EDIL3: variants seen among roughly 807,000 people sequenced by gnomAD.
EDIL3 encodes EGF like and discoidin domains 3, also known as EGF-like repeat and discoidin I-like domain-containing protein 3.
A neutral mutation model predicts 67.4 loss-of-function variants in EDIL3; 37 were observed. The ratio of observed to expected loss-of-function variants is 0.55; its 90% CI spans 0.42 to 0.72. The LOEUF (loss-of-function observed/expected upper bound fraction) is 0.72, where lower values mean the gene tolerates loss of function less well. Among genes scored for constraint, EDIL3 ranks in the 30% least tolerant of loss-of-function variants. The pLI, the probability that EDIL3 is intolerant of heterozygous loss-of-function variation, is 0.00. For synonymous variants in EDIL3, 195 were observed against 196.3 expected (o/e 0.99, Z 0.05); for missense variants, 527 against 586.3 (o/e 0.90, Z 1.04).
intron 1 of EDIL3, among the ~76,000 whole-genome samples, chr5:84,352,060 G>A (rs887009872): frequency 6.6e-5 from 10 of 151,960 alleles, no homozygotes; most frequent in East Asian, 1.9e-4. Context: ...AATCAACAGA[G>A]AAATGCAAAT....
chr5:84,141,996 T>TATCTATCTATCTATCA (rs1561443904), intron 4 of EDIL3, among the ~76,000 whole-genome samples: 2 of 148,802 alleles, frequency 1.3e-5, no homozygotes, highest in Non-Finnish European at 1.5e-5. Flanking sequence ...TCTATCTATC[T>TATCTATCTATCTATCA]ATCATATTGA....
At chr5:84,066,706 T>A in intron 6 of EDIL3, 100 bp from the exon 7 acceptor site, 1 of 1,393,454 alleles carries the variant, frequency 7.2e-7, no homozygotes, top group Non-Finnish European at 9.7e-7. Context: ...TGCAGATTAA[T>A]AATAACATAA....
chr5:84,371,825 C>T (rs1029030709), intron 1 of EDIL3, among the ~76,000 whole-genome samples: 3 of 151,748 alleles, frequency 2.0e-5, no homozygotes, highest in Admixed American at 6.6e-5. Context: ...AAATGTGTGG[C>T]CTGACAGAAA....
intron 6 of EDIL3, among the ~76,000 whole-genome samples, chr5:84,079,486 G>A (rs1250225760): frequency 6.6e-6 from 1 of 152,116 alleles, no homozygotes; most frequent in African/African-American, 2.4e-5. Context: ...ATAACTGGTT[G>A]TTGGTGGGGA....
intron 4 of EDIL3, among the ~76,000 whole-genome samples, chr5:84,148,944 C>T (rs1171887720): frequency 6.7e-6 from 1 of 148,898 alleles, no homozygotes; most frequent in Non-Finnish European, 1.5e-5. Context: ...CAGGCAGACC[C>T]TCTTGTTTTA....
intron 2 of EDIL3, among the ~76,000 whole-genome samples, chr5:84,247,801 G>A (rs1166434797): frequency 2.6e-5 from 4 of 151,924 alleles, no homozygotes; most frequent in Admixed American, 1.3e-4. Context: ...ATTTGGAAAT[G>A]AGAAGCCTGG....
intron 9 of EDIL3, among the ~76,000 whole-genome samples, chr5:83,969,684 T>C (rs906396600): frequency 4.6e-5 from 7 of 151,874 alleles, no homozygotes; most frequent in East Asian, 3.9e-4. Flanking sequence ...AAAATTACAC[T>C]CTTCCATCTG....
intron 9 of EDIL3, among the ~76,000 whole-genome samples, chr5:83,971,586 C>G (rs1180007337): frequency 6.6e-6 from 1 of 151,912 alleles, no homozygotes. Context: ...TAGAATATTT[C>G]CCACTTAAAA....
chr5:84,352,658 A>C (rs1315888779), intron 1 of EDIL3, among the ~76,000 whole-genome samples: 1 of 152,048 alleles, frequency 6.6e-6, no homozygotes, highest in Non-Finnish European at 1.5e-5. Flanking sequence ...GTAGAAGGAG[A>C]GTGATAGAAG....
At chr5:84,120,826 C>A (rs552097737) in intron 5 of EDIL3, among the ~76,000 whole-genome samples, 1 of 151,908 alleles carries the variant, frequency 6.6e-6, no homozygotes, top group South Asian at 2.1e-4. Flanking sequence ...GGTTTGACTG[C>A]ACACTCTGAA....
At chr5:84,242,011 G>C (rs1026443968) in intron 2 of EDIL3, among the ~76,000 whole-genome samples, 1 of 147,980 alleles carries the variant, frequency 6.8e-6, no homozygotes, top group African/African-American at 2.5e-5. Flanking sequence ...ACGAAGTCAG[G>C]AGATCGAGAC....
intron 1 of EDIL3, among the ~76,000 whole-genome samples, chr5:84,301,060 G>A (rs748877361): frequency 8.6e-5 from 13 of 152,022 alleles, no homozygotes; most frequent in Admixed American, 3.3e-4. Flanking sequence ...ACCTGAGGTC[G>A]AGAGTTCAAG....
intron 2 of EDIL3, among the ~76,000 whole-genome samples, chr5:84,230,904 T>C (rs1231087239): frequency 6.6e-6 from 1 of 152,072 alleles, no homozygotes; most frequent in East Asian, 1.9e-4. Flanking sequence ...CAGGTGGTTC[T>C]GACTTATGTT....
At chr5:84,249,423 CTAT>C (rs1744979096) in intron 2 of EDIL3, among the ~76,000 whole-genome samples, 1 of 147,024 alleles carries the variant, frequency 6.8e-6, no homozygotes, top group African/African-American at 2.5e-5. Flanking sequence ...ATCTATCTAT[CTAT>C]CTATCATCTA....
At position 84,162,877 on chromosome 5, in the gene EDIL3, T is replaced by C. The variant is rs554618866; in HGVS notation, c.355+17516A>G. 1.1e-3 allele frequency among the ~76,000 whole-genome samples: 162 copies of C among 152,264 alleles called. 1 individual carries two copies. Among genetic ancestry groups the C allele is most frequent in the Non-Finnish European group, 9.3e-4 (63 of 68,008 alleles). ...TCTTTGGGCCTCCCAAGAAAGGCAC[T>C]GAAGCAGCAGTCCATATGTAACTGA... On this transcript the variant is annotated intron_variant, in intron 4 of 10. Transcript: ENST00000296591.
intron 6 of EDIL3, among the ~76,000 whole-genome samples, chr5:84,072,354 A>G (rs1746754837): frequency 6.6e-6 from 1 of 152,118 alleles, no homozygotes. Flanking sequence ...GATTTTAAAC[A>G]TATGAAAAGA....
intron 3 of EDIL3, among the ~76,000 whole-genome samples, chr5:84,209,378 TA>T (rs897476966): frequency 6.0e-4 from 91 of 151,444 alleles, no homozygotes; most frequent in African/African-American, 2.1e-3. Context: ...AGTATAATAA[TA>T]AAAAAAAGAG....
At chr5:84,104,660 T>C (rs1411174335) in intron 6 of EDIL3, among the ~76,000 whole-genome samples, 1 of 152,008 alleles carries the variant, frequency 6.6e-6, no homozygotes, top group Non-Finnish European at 1.5e-5. Flanking sequence ...AAAAGTAAAA[T>C]AAGTTTTAAC....
chr5:84,012,614 A>C (rs888805678), intron 9 of EDIL3, among the ~76,000 whole-genome samples: 3 of 152,152 alleles, frequency 2.0e-5, no homozygotes, highest in Non-Finnish European at 4.4e-5. Flanking sequence ...AAGCTTTGTT[A>C]AACTTTGTAT....
Sources: allele counts gnomAD v4.1 joint callset (sites outside exome capture counted in the v4.1 genomes callset), GRCh38; gene constraint gnomAD v4.1.1; transcripts MANE v1.5; gene names NCBI Gene and HGNC (gene_info 2026-07-23, HGNC 2026-07-21).